Variants in BLM observed in about 807,000 individuals in gnomAD.
The protein encoded by BLM is BLM RecQ like helicase, also known as recQ-like DNA helicase BLM.
Under a neutral mutation model 135.3 loss-of-function variants are expected in BLM, and 95 were observed. That is an observed-to-expected ratio of 0.70 (90% CI 0.59 to 0.83). The LOEUF (loss-of-function observed/expected upper bound fraction) is 0.83. Ranked by LOEUF, BLM falls within the 40% of genes least tolerant of loss-of-function variation. The pLI, the probability that BLM is intolerant of heterozygous loss-of-function variation, is 0.00. For synonymous variants in BLM, 520 were observed against 589.2 expected, an observed-to-expected ratio of 0.88 and a Z score of 1.70; for missense variants, 1,518 against 1,663.9, an observed-to-expected ratio of 0.91 and a Z score of 1.53.
At chr15:90,797,442 A>T (rs1368489992) in intron 16 of BLM, among the ~76,000 whole-genome samples, 1 of 137,242 alleles carries the variant, frequency 7.3e-6, no homozygotes, top group East Asian at 2.1e-4. Flanking sequence ...AAAAAAAAAA[A>T]AAATTAAGAT....
intron 10 of BLM, among the ~76,000 whole-genome samples, 179 bp from the exon 11 acceptor site, chr15:90,768,954 G>A (rs529217496): frequency 4.4e-4 from 67 of 152,288 alleles, no homozygotes; most frequent in Non-Finnish European, 4.1e-4. Flanking sequence ...ACAAACTCCC[G>A]ACCTCGGATG....
intron 12 of BLM, among the ~76,000 whole-genome samples, chr15:90,772,416 A>G (rs112278871): frequency 7.2e-5 from 11 of 152,232 alleles, no homozygotes; most frequent in African/African-American, 2.7e-4. Flanking sequence ...CAATAATAAT[A>G]GCTAACACTT....
At chr15:90,798,121 T>C (rs973054573) in intron 16 of BLM, 69 bp from the exon 17 acceptor site, 3 of 1,369,094 alleles carry the variant, frequency 2.2e-6, no homozygotes, top group Non-Finnish European at 2.0e-6. Context: ...CTATAGTTAA[T>C]ATTAAACCCT....
intron 16 of BLM, among the ~76,000 whole-genome samples, chr15:90,797,240 C>G (rs745571147): frequency 6.6e-5 from 10 of 151,708 alleles, no homozygotes; most frequent in Non-Finnish European, 1.2e-4. Context: ...GTGGTGAAAC[C>G]CCATCTCTAC....
chr15:90,815,422 A>T lies in BLM; in HGVS notation c.*143A>T. ...ATTTAAATAAATGCTGGGGGGTGAT[A>T]GTTCTTCTTTTTAAAATAAACATTT... On this transcript the variant is annotated 3_prime_UTR_variant, in exon 22 of 22. Transcript: ENST00000355112. The surrounding 1 kb of genome is among the most constrained non-coding windows in gnomAD (Gnocchi z 4.6). The T allele has an allele frequency of 1.1e-6, 1 of 897,782 alleles. No homozygotes were observed. The allele number at this position is 897,782 out of a possible 1,614,324, so 55.6% of individuals were successfully genotyped here.
intron 17 of BLM, among the ~76,000 whole-genome samples, chr15:90,799,223 G>C (rs1897107614): frequency 6.6e-6 from 1 of 151,898 alleles, no homozygotes; most frequent in South Asian, 2.1e-4. Flanking sequence ...ATTTGACCCT[G>C]GGTGATAGAA....
At chr15:90,786,652 G>A (rs145446217) in intron 14 of BLM, among the ~76,000 whole-genome samples, 6 of 152,098 alleles carry the variant, frequency 3.9e-5, no homozygotes, top group East Asian at 1.9e-4. Flanking sequence ...AGGAATTCAC[G>A]TCACCCAGGC....
chr15:90,720,021 C>T (rs1894724741), intron 1 of BLM, among the ~76,000 whole-genome samples: 2 of 152,190 alleles, frequency 1.3e-5, no homozygotes, highest in South Asian at 4.1e-4. Context: ...TTCCACTTGT[C>T]CTTCAATATC....
chr15:90,774,143 C>G (rs1345297996), intron 12 of BLM, among the ~76,000 whole-genome samples: 1 of 142,662 alleles, frequency 7.0e-6, no homozygotes, highest in Non-Finnish European at 1.5e-5. Context: ...GGTGCAATCT[C>G]GGCTCACTAC....
chr15:90,783,718 G>A (rs1308060191), intron 13 of BLM, among the ~76,000 whole-genome samples: 1 of 152,056 alleles, frequency 6.6e-6, no homozygotes, highest in Non-Finnish European at 1.5e-5. Flanking sequence ...TGGCCAAAAC[G>A]GTGAAACCCC....
intron 1 of BLM, among the ~76,000 whole-genome samples, chr15:90,721,302 T>C (rs1328639658): frequency 6.6e-6 from 1 of 152,118 alleles, no homozygotes; most frequent in African/African-American, 2.4e-5. Context: ...TAATCATTTA[T>C]CTGTTATTTG....
At chr15:90,757,678 A>G (rs1338773813) in intron 5 of BLM, among the ~76,000 whole-genome samples, 1 of 151,920 alleles carries the variant, frequency 6.6e-6, no homozygotes, top group Non-Finnish European at 1.5e-5. Flanking sequence ...CTTGTAAACC[A>G]TTTAACTGAC....
intron 7 of BLM, 44 bp downstream of exon 7, chr15:90,761,299 T>A (rs1212352818): frequency 3.7e-6 from 5 of 1,343,226 alleles, no homozygotes; most frequent in South Asian, 1.7e-5. Flanking sequence ...AACAAAACTG[T>A]CCCAAAATAG....
At chr15:90,805,132 G>A (rs560399680) in intron 19 of BLM, among the ~76,000 whole-genome samples, 18 of 126,346 alleles carry the variant, frequency 1.4e-4, no homozygotes, top group African/African-American at 4.7e-4. Flanking sequence ...CACCATGCGC[G>A]GCCGAAACTT....
chr15:90,717,353 G>T lies in BLM; in HGVS notation c.-92G>T, dbSNP rs1262625538. 2.0e-5 allele frequency: 3 copies of T among 152,382 alleles called. No individual in the cohort carries two copies. The highest frequency in any genetic ancestry group is 4.4e-5 in the Non-Finnish European group (3 of 68,144). The allele number at this position is 152,382 out of a possible 1,614,324, so 9.4% of individuals were successfully genotyped here. On this transcript the variant is annotated 5_prime_UTR_variant, in exon 1 of 22. Transcript: ENST00000355112. ...ATCGGAATAGGCAAGCTTCCGGCGG[G>T]AAGTGAGCCAGGGCTTGGCGCGGCG... is the stretch of plus-strand genomic sequence containing the variant.
intron 12 of BLM, among the ~76,000 whole-genome samples, chr15:90,782,466 T>C (rs1227557646): frequency 6.6e-6 from 1 of 152,172 alleles, no homozygotes; most frequent in Non-Finnish European, 1.5e-5. Context: ...GTAGACTGGG[T>C]GGCTTAAACA....
intron 15 of BLM, 140 bp from the exon 16 acceptor site, chr15:90,794,027 G>T: frequency 1.9e-6 from 1 of 521,084 alleles, no homozygotes; most frequent in Non-Finnish European, 3.3e-6. Flanking sequence ...TTATAATATA[G>T]AATGCCATGT....
At chr15:90,799,484 C>G (rs1222130041) in intron 17 of BLM, among the ~76,000 whole-genome samples, 1 of 151,484 alleles carries the variant, frequency 6.6e-6, no homozygotes, top group African/African-American at 2.4e-5. Flanking sequence ...GATTAATCCT[C>G]AGTAGATGTA....
At chr15:90,794,135 G>C in intron 15 of BLM, 32 bp from the exon 16 acceptor site, 2 of 1,506,098 alleles carry the variant, frequency 1.3e-6, no homozygotes, top group Non-Finnish European at 1.8e-6. Context: ...TCCCCTATAA[G>C]TATGTCTTAC....
Sources: gnomAD v4.1 joint callset for allele counts (sites outside exome capture counted in the v4.1 genomes callset) on GRCh38, gnomAD v4.1.1 for gene constraint, Gnocchi (gnomAD v3.1) non-coding constraint, MANE v1.5 for transcripts, NCBI Gene and HGNC (gene_info 2026-07-23, HGNC 2026-07-21) for gene names.